The following PRKACB variants were observed in gnomAD, a reference collection of about 807,000 sequenced individuals.
The protein encoded by PRKACB is cAMP-dependent protein kinase catalytic subunit beta.
A neutral mutation model predicts 51.4 loss-of-function variants in PRKACB; 16 were observed. The observed-to-expected ratio is 0.31, with a 90% CI of 0.21 to 0.47. PRKACB has a LOEUF of 0.47. Among genes scored for constraint, PRKACB ranks in the 20% least tolerant of loss-of-function variants. PRKACB has a pLI of 1.00. For synonymous variants in PRKACB, 147 were observed against 154.4 expected (o/e 0.95, Z 0.35); for missense variants, 309 against 464.5 (o/e 0.67, Z 3.08).
At chr1:84,230,819 AAGG>A (rs1195887178) in intron 9 of PRKACB, among the ~76,000 whole-genome samples, 4 of 147,558 alleles carry the variant, frequency 2.7e-5, no homozygotes, top group African/African-American at 1.0e-4. Flanking sequence ...TTATCAGCTT[AAGG>A]AGATTTTGGG....
At chr1:84,197,640 T>G in intron 6 of PRKACB, 89 bp from the exon 7 acceptor site, 2 of 837,550 alleles carry the variant, frequency 2.4e-6, no homozygotes, top group Non-Finnish European at 1.8e-6. Flanking sequence ...ATAGTTTCAA[T>G]TTGAATTTTA....
chr1:84,183,318 CT>C (rs1664117138), intron 3 of PRKACB, among the ~76,000 whole-genome samples: 1 of 151,924 alleles, frequency 6.6e-6, no homozygotes, highest in Non-Finnish European at 1.5e-5. Context: ...TTACTTTCCC[CT>C]TCTATTAAAT....
intron 1 of PRKACB, among the ~76,000 whole-genome samples, chr1:84,137,165 T>C (rs1419130454): frequency 6.6e-6 from 1 of 151,970 alleles, no homozygotes; most frequent in African/African-American, 2.4e-5. Context: ...CTCAAACAGT[T>C]CCTTATAGCA....
In PRKACB at chr1:84,236,592, A is replaced by G. The variant is rs1157921021; in HGVS notation, c.*1287A>G. On this transcript the variant is annotated 3_prime_UTR_variant, in exon 10 of 10. Coordinates refer to ENST00000370685, the MANE Select transcript of PRKACB (RefSeq NM_182948.4). ...TAACCTCTGTTCTCTCAGTAAACAGAATGTCTGATCGATCATGCAGATACA... is the reference window on the plus strand; with the variant it reads ...TAACCTCTGTTCTCTCAGTAAACAGGATGTCTGATCGATCATGCAGATACA... 6.6e-6 allele frequency: 1 copy of G among 152,666 alleles called. No individual in the cohort carries two copies. Among genetic ancestry groups the G allele is most frequent in the Non-Finnish European group, 1.5e-5 (1 of 68,042 alleles). The allele number at this position is 152,666 out of a possible 1,614,324, so 9.5% of individuals were successfully genotyped here.
At chr1:84,181,832 CCT>C in intron 2 of PRKACB, 1 of 742,982 alleles carries the variant, frequency 1.3e-6, no homozygotes, top group Non-Finnish European at 2.0e-6. Context: ...TGTCAGTATG[CCT>C]CTGGTCAGTT....
rs371435038 is a variant in PRKACB, at chr1:84,112,075, G to A, written c.46+33704G>A. ...AACCAATACTGCAATTGAGTCTTGT[G>A]AGCCTAACTCAAAGACACAAGATTA... On this transcript the variant is annotated intron_variant, in intron 1 of 8. Transcript: ENST00000370688. 3.4e-3 allele frequency among the ~76,000 whole-genome samples: 516 copies of A among 152,108 alleles called. 8 individuals carry two copies. The highest frequency in any genetic ancestry group is 0.01 in the Middle Eastern group (3 of 294).
At chr1:84,108,427 C>G (rs775439100) in intron 1 of PRKACB, among the ~76,000 whole-genome samples, 1 of 151,712 alleles carries the variant, frequency 6.6e-6, no homozygotes, top group Non-Finnish European at 1.5e-5. Flanking sequence ...TATGCCAAAC[C>G]CCTGAGTCAC....
intron 1 of PRKACB, among the ~76,000 whole-genome samples, chr1:84,122,334 C>T (rs983108960): frequency 6.6e-6 from 1 of 152,134 alleles, no homozygotes; most frequent in African/African-American, 2.4e-5. Context: ...TGCTTAATTG[C>T]TTTTGGCCTT....
intron 9 of PRKACB, among the ~76,000 whole-genome samples, chr1:84,220,720 C>G (rs1190306650): frequency 6.6e-6 from 1 of 152,136 alleles, no homozygotes; most frequent in Non-Finnish European, 1.5e-5. Context: ...GTTGTTCATT[C>G]TACTAAAGTG....
chr1:84,214,342 A>G (rs377562453), intron 9 of PRKACB, 25 bp downstream of exon 9: 439 of 1,531,882 alleles, frequency 2.9e-4, no homozygotes, highest in Non-Finnish European at 3.7e-4. Context: ...TTTAATTTAA[A>G]AGCTTTTTTA....
At chr1:84,174,611 C>A (rs1201051028) in intron 1 of PRKACB, among the ~76,000 whole-genome samples, 1 of 151,846 alleles carries the variant, frequency 6.6e-6, no homozygotes, top group African/African-American at 2.4e-5. Flanking sequence ...CTGAAAAATA[C>A]TAAAGTTTTT....
chr1:84,219,283 G>A (rs552373904), intron 9 of PRKACB, among the ~76,000 whole-genome samples: 82 of 150,408 alleles, frequency 5.5e-4, no homozygotes, highest in Admixed American at 3.0e-3. Flanking sequence ...AGAGTGCAAC[G>A]GTACAATCTC....
In PRKACB at chr1:84,236,288, C is replaced by G. The variant is rs1203257146; in HGVS notation, c.*983C>G. On this transcript the variant is annotated 3_prime_UTR_variant, in exon 10 of 10. Coordinates refer to ENST00000370685, the MANE Select transcript of PRKACB (RefSeq NM_182948.4). ...ACATTGGTTTAGATAAATACTTATA[C>G]TTTGCAAAGTCAAAAATGGCTTGAT... 6.6e-6 allele frequency: 1 copy of G among 152,576 alleles called. No individual in the cohort carries two copies. Among genetic ancestry groups the G allele is most frequent in the East Asian group, 1.9e-4 (1 of 5,196 alleles). 9.5% of individuals were successfully genotyped at this position (152,576 alleles called of 1,614,324 possible). A position where few individuals can be genotyped will look rare whatever the true frequency, so the allele number is the denominator to read the frequency against.
chr1:84,150,974 T>C (rs1384569362), intron 1 of PRKACB, among the ~76,000 whole-genome samples: 2 of 152,292 alleles, frequency 1.3e-5, no homozygotes, highest in African/African-American at 2.4e-5. Context: ...TAAAATTGCG[T>C]ATATTTATAA....
chr1:84,179,404 A>G (rs1050523834), intron 2 of PRKACB, among the ~76,000 whole-genome samples, 166 bp downstream of exon 2: 1 of 151,940 alleles, frequency 6.6e-6, no homozygotes, highest in Non-Finnish European at 1.5e-5. Context: ...TGTATTAATT[A>G]ATAATCTTAA....
intron 1 of PRKACB, among the ~76,000 whole-genome samples, chr1:84,107,568 A>G (rs1185807259): frequency 7.9e-5 from 12 of 152,156 alleles, no homozygotes; most frequent in Admixed American, 7.9e-4. Flanking sequence ...TTTTCAAACT[A>G]TGCATCTGAC....
At chr1:84,100,205 ACTGT>A (rs1288016278) in intron 1 of PRKACB, among the ~76,000 whole-genome samples, 4 of 152,104 alleles carry the variant, frequency 2.6e-5, no homozygotes, top group African/African-American at 9.7e-5. Context: ...CACTTATAAA[ACTGT>A]CAGATCTCGT....
At chr1:84,152,219 G>C (rs1654934897) in intron 1 of PRKACB, among the ~76,000 whole-genome samples, 1 of 152,128 alleles carries the variant, frequency 6.6e-6, no homozygotes, top group Non-Finnish European at 1.5e-5. Flanking sequence ...GCTTAAAATA[G>C]TAAACAATGC....
chr1:84,172,995 A>G (rs566917351), intron 1 of PRKACB, among the ~76,000 whole-genome samples: 35 of 151,836 alleles, frequency 2.3e-4, no homozygotes, highest in African/African-American at 8.4e-4. Context: ...ATCATTTTTA[A>G]GGTTATAGTG....
Sources: allele counts gnomAD v4.1 joint callset (sites outside exome capture counted in the v4.1 genomes callset), GRCh38; gene constraint gnomAD v4.1.1; transcripts MANE v1.5; gene names NCBI Gene and HGNC (gene_info 2026-07-23, HGNC 2026-07-21).